The following CEP128 variants were observed in gnomAD, a reference collection of about 807,000 sequenced individuals.
CEP128 encodes centrosomal protein 128, also known as centrosomal protein 128kDa.
In CEP128, 132 loss-of-function variants were observed where a neutral mutation model predicts 156.7. That is an observed-to-expected ratio of 0.84 (90% confidence interval 0.73 to 0.97). The LOEUF is 0.97. Among genes scored for constraint, CEP128 ranks in the 50% least tolerant of loss-of-function variants. The pLI is 0.00. For synonymous variants in CEP128, 469 were observed against 448.9 expected, an observed-to-expected ratio of 1.04 and a Z score of -0.57; for missense variants, 1,252 against 1,281.9, an observed-to-expected ratio of 0.98 and a Z score of 0.36.
At chr14:80,570,836 G>A (rs1281352934) in intron 20 of CEP128, among the ~76,000 whole-genome samples, 1 of 152,094 alleles carries the variant, frequency 6.6e-6, no homozygotes, top group Non-Finnish European at 1.5e-5. Context: ...CTTAAAGTAT[G>A]CCAAAACAGA....
At chr14:80,566,488 T>G (rs1385069791) in intron 20 of CEP128, among the ~76,000 whole-genome samples, 1 of 152,170 alleles carries the variant, frequency 6.6e-6, no homozygotes, top group Non-Finnish European at 1.5e-5. Context: ...TCAGCATTTC[T>G]TACAGTGATT....
intron 8 of CEP128, among the ~76,000 whole-genome samples, chr14:80,889,664 C>CA (rs1365214412): frequency 6.6e-6 from 1 of 151,984 alleles, no homozygotes; most frequent in Non-Finnish European, 1.5e-5. Context: ...ATCCTAAAAT[C>CA]AAAAAACCCT....
chr14:80,538,913 A>T (rs1160140741), intron 21 of CEP128, among the ~76,000 whole-genome samples: 1 of 152,164 alleles, frequency 6.6e-6, no homozygotes, highest in Non-Finnish European at 1.5e-5. Context: ...TATAATATTA[A>T]TTTGTGTGAC....
intron 16 of CEP128, among the ~76,000 whole-genome samples, chr14:80,774,537 C>T (rs898516969): frequency 8.5e-5 from 13 of 152,086 alleles, no homozygotes; most frequent in South Asian, 6.2e-4. Flanking sequence ...CGTTTTCTTG[C>T]TTTTATCTGC....
rs1217561910 is a variant in CEP128 at position 80,892,479 on chromosome 14, C to T, written c.645+3239G>A. Among the ~76,000 whole-genome samples, 4 of 152,024 alleles carry T rather than the reference C, an allele frequency of 2.6e-5. No individual in the cohort carries two copies. In the East Asian group the frequency reaches 7.7e-4, roughly 29 times the overall value. On this transcript the variant is annotated intron_variant, in intron 8 of 24. Transcript: ENST00000555265. ...AGAACATAGTGGAAAATCTCCTGGA[C>T]ACTGACGTTGGCAATGATTTTTGCG...
chr14:80,678,064 G>GTATATATATATATA lies in CEP128; in HGVS notation c.2806+65010_2806+65011insTATATATATATATA, dbSNP rs1274703937. On this transcript the variant is annotated intron_variant, in intron 19 of 24. Transcript: ENST00000555265. ...ATAAAAAAAAAATATATATATATAT[G>GTATATATATATATA]TATATATATATATGCTCAAGGAAAC... Among the ~76,000 whole-genome samples, 40 of 27,314 alleles carry GTATATATATATATA rather than the reference G, an allele frequency of 1.5e-3. 1 individual carries two copies. Among genetic ancestry groups the GTATATATATATATA allele is most frequent in the Non-Finnish European group, 3.7e-3 (34 of 9,178 alleles). The allele number at this position is 27,314 out of a possible 152,430, so 17.9% of individuals were successfully genotyped here.
At chr14:80,708,234 T>G (rs957690155) in intron 19 of CEP128, among the ~76,000 whole-genome samples, 1 of 152,176 alleles carries the variant, frequency 6.6e-6, no homozygotes, top group Non-Finnish European at 1.5e-5. Flanking sequence ...TATACATTCC[T>G]AAAAGGGGAA....
intron 11 of CEP128, among the ~76,000 whole-genome samples, chr14:80,837,795 G>A (rs1886158178): frequency 6.6e-6 from 1 of 152,220 alleles, no homozygotes; most frequent in African/African-American, 2.4e-5. Flanking sequence ...TAAAGACAAT[G>A]ACGTTATTCA....
rs765325745 is a variant in CEP128, at chr14:80,899,953, A to G, written c.557T>C (p.Leu186Pro). Reference protein sequence around the residue: ...IRLGDDFNRELSRRSRSDAET... With the variant: ...IRLGDDFNREPSRRSRSDAET... ...CTGCTTTTACCGGCTCCTTCTGGAA[A>G]GCTCCCTGTTGAAATCATCTCCAAG... Residue 186 changes from leucine to proline, a missense_variant, in exon 7 of 25, where the codon CTT (leucine) becomes CCT (proline). Transcript: ENST00000555265. The G allele has an allele frequency of 2.5e-6, 4 of 1,612,952 alleles. No homozygotes were observed. Among genetic ancestry groups the G allele is most frequent in the Non-Finnish European group, 3.4e-6 (4 of 1,179,124 alleles).
intron 15 of CEP128, among the ~76,000 whole-genome samples, chr14:80,779,424 T>G (rs2371415): frequency 0.016 from 2,386 of 152,284 alleles, 40 homozygotes; most frequent in Middle Eastern, 0.048. Flanking sequence ...CCAAAATAAA[T>G]TTACAAAATA....
chr14:80,577,239 A>G (rs896594557), intron 20 of CEP128, among the ~76,000 whole-genome samples: 12 of 152,106 alleles, frequency 7.9e-5, no homozygotes, highest in African/African-American at 2.9e-4. Flanking sequence ...CTGGGAATTC[A>G]CATTCGCTAT....
At chr14:80,666,579 C>G (rs1402953404) in intron 19 of CEP128, among the ~76,000 whole-genome samples, 1 of 151,954 alleles carries the variant, frequency 6.6e-6, no homozygotes, top group Non-Finnish European at 1.5e-5. Context: ...ACAAAAACAC[C>G]ATCACTCATT....
chr14:80,706,993 A>G (rs571350825), intron 19 of CEP128, among the ~76,000 whole-genome samples: 2 of 151,870 alleles, frequency 1.3e-5, no homozygotes, highest in South Asian at 4.2e-4. Flanking sequence ...CATAACTTTT[A>G]TTTCTTTGTT....
intron 4 of CEP128, among the ~76,000 whole-genome samples, chr14:80,907,752 A>G (rs1470195039): frequency 6.6e-6 from 1 of 152,102 alleles, no homozygotes; most frequent in African/African-American, 2.4e-5. Flanking sequence ...TAATTTACAC[A>G]TAAGTAAAAT....
intron 2 of CEP128, among the ~76,000 whole-genome samples, chr14:80,952,410 A>G (rs1886485832): frequency 6.6e-6 from 1 of 152,192 alleles, no homozygotes; most frequent in African/African-American, 2.4e-5. Flanking sequence ...CTAAAGAATC[A>G]AGGAAGAAAT....
chr14:80,877,094 G>A (rs1293552603), intron 8 of CEP128, among the ~76,000 whole-genome samples: 1 of 152,100 alleles, frequency 6.6e-6, no homozygotes, highest in Non-Finnish European at 1.5e-5. Flanking sequence ...TCTGGAAAGA[G>A]CTAAAAGAAT....
At chr14:80,644,049 G>C (rs1894534581) in intron 19 of CEP128, among the ~76,000 whole-genome samples, 1 of 152,118 alleles carries the variant, frequency 6.6e-6, no homozygotes, top group African/African-American at 2.4e-5. Flanking sequence ...AGAGAAGAAG[G>C]CCATGTGAAG....
intron 21 of CEP128, among the ~76,000 whole-genome samples, chr14:80,534,220 T>A (rs1889368088): frequency 9.0e-6 from 1 of 110,734 alleles, no homozygotes; most frequent in Admixed American, 8.2e-5. Context: ...ATGAATAACA[T>A]TGCAACTTTT....
chr14:80,802,919 T>C (rs558318644), intron 13 of CEP128, among the ~76,000 whole-genome samples: 12 of 152,326 alleles, frequency 7.9e-5, no homozygotes, highest in African/African-American at 2.9e-4. Flanking sequence ...CTCATCTGAA[T>C]TGAATTTCAG....
Sources: allele counts gnomAD v4.1 joint callset (sites outside exome capture counted in the v4.1 genomes callset), GRCh38; gene constraint gnomAD v4.1.1; transcripts MANE v1.5; gene names NCBI Gene and HGNC (gene_info 2026-07-23, HGNC 2026-07-21).